Variants in EFCAB5 observed in about 807,000 individuals in gnomAD.
EFCAB5 encodes the protein EF-hand calcium-binding domain-containing protein 5.
Under a neutral mutation model 167.9 loss-of-function variants are expected in EFCAB5, and 131 were observed. The observed-to-expected ratio is 0.78, with a 90% CI of 0.68 to 0.90. The LOEUF is 0.90. Among genes scored for constraint, EFCAB5 ranks in the 40% least tolerant of loss-of-function variants. The pLI is 0.00. For missense variants in EFCAB5, 1,663 were observed against 1,745.2 expected (o/e 0.95, Z 0.84); for synonymous variants, 574 against 602.8 (o/e 0.95, Z 0.70).
At chr17:29,930,023 G>A (rs1405781382) in intron 1 of EFCAB5, 3 of 1,585,352 alleles carry the variant, frequency 1.9e-6, no homozygotes, top group East Asian at 2.3e-5. Context: ...GGGTTGTTCC[G>A]GGCAGGGCAT....
intron 7 of EFCAB5, among the ~76,000 whole-genome samples, chr17:30,000,706 T>A (rs2068643347): frequency 6.6e-6 from 1 of 152,228 alleles, no homozygotes; most frequent in Non-Finnish European, 1.5e-5. Flanking sequence ...AAGCTCTGTA[T>A]GAGGGATTTC....
chr17:30,029,929 G>A (rs1442915606), intron 7 of EFCAB5, among the ~76,000 whole-genome samples: 1 of 152,086 alleles, frequency 6.6e-6, no homozygotes, highest in South Asian at 2.1e-4. Context: ...AGTCAGAAAG[G>A]AAAATCCCAG....
At chr17:30,073,818 C>G in intron 14 of EFCAB5, 2 of 459,158 alleles carry the variant, frequency 4.4e-6, no homozygotes, top group Non-Finnish European at 8.2e-6. Context: ...CCCAGCTACT[C>G]AAGAGGCAGA....
intron 3 of EFCAB5, among the ~76,000 whole-genome samples, chr17:29,964,885 T>C (rs1002090317): frequency 1.3e-5 from 2 of 151,880 alleles, no homozygotes; most frequent in Admixed American, 6.6e-5. Flanking sequence ...TTAAGGTGTA[T>C]AGGTTACTTA....
At chr17:30,069,703 G>T (rs4465650) in intron 14 of EFCAB5, 1 of 1,184,028 alleles carries the variant, frequency 8.4e-7, no homozygotes. Context: ...TCATGTACCC[G>T]CCGTAGTCTC....
At position 30,036,200 on chromosome 17, in the gene EFCAB5, AATAT is replaced by A. The variant is rs1265429827; in HGVS notation, c.1200+1820_1200+1823del. 2.1e-5 allele frequency among the ~76,000 whole-genome samples: 3 copies of A among 142,248 alleles called. No individual in the cohort carries two copies. In the East Asian group the frequency reaches 5.9e-4, roughly 28 times the overall value. The allele number at this position is 142,248 out of a possible 152,430, so 93.3% of individuals were successfully genotyped here. On this transcript the variant is annotated intron_variant, in intron 8 of 22. Coordinates refer to ENST00000394835, the MANE Select transcript of EFCAB5 (RefSeq NM_198529.4). ...ATATGTATGTATAAATATATCTTAT[AATAT>A]ATATGTATATTATATATGCATATAT...
At position 30,002,549 on chromosome 17, in the gene EFCAB5, A is replaced by G. The variant is rs575522289; in HGVS notation, c.1044+2573A>G. Among the ~76,000 whole-genome samples the G allele has an allele frequency of 1.2e-4, 18 of 152,332 alleles. No individual in the cohort carries two copies. The East Asian group carries it at 2.7e-3, about 23-fold the overall frequency. On this transcript the variant is annotated intron_variant, in intron 7 of 22. Transcript: ENST00000394835. ...TCATTGTCTGAAATATTTCCCATAC[A>G]TCCATCACATCAGGCACTGTTACAC...
At chr17:29,992,138 C>G (rs2068434359) in intron 4 of EFCAB5, among the ~76,000 whole-genome samples, 1 of 152,054 alleles carries the variant, frequency 6.6e-6, no homozygotes, top group South Asian at 2.1e-4. Flanking sequence ...TCTCCATTTC[C>G]CCCATTCCCA....
intron 6 of EFCAB5, among the ~76,000 whole-genome samples, chr17:29,997,973 A>T (rs1229918533): frequency 6.6e-6 from 1 of 151,902 alleles, no homozygotes; most frequent in Non-Finnish European, 1.5e-5. Flanking sequence ...CATAGGAACT[A>T]GAGTTTGGGT....
rs941552544 is a variant in EFCAB5 at position 30,053,464 on chromosome 17, A to G, written c.1510A>G (p.Asn504Asp). 1 of 1,613,994 alleles carries G rather than the reference A, an allele frequency of 6.2e-7. No individual in the cohort carries two copies. The highest frequency in any genetic ancestry group is 1.3e-5 in the African/African-American group (1 of 75,046). The stretch of plus-strand genomic sequence containing the variant: ...ACAGAGAACATCAACACCATCACCA[A>G]ACCCGCCAGAACAGCAGAGAGGAGT... Reference protein sequence around the residue: ...NEQRTSTPSPNPPEQQRGVTA... With the variant: ...NEQRTSTPSPDPPEQQRGVTA... The change falls in exon 10 of 23, where the codon AAC becomes GAC. Residue 504 changes from asparagine (N) to aspartate (D), a missense_variant. By Grantham distance (23) the Asn-to-Asp change is conservative. Coordinates refer to ENST00000394835, the MANE Select transcript of EFCAB5 (RefSeq NM_198529.4).
chr17:30,105,549 T>G (rs985667455), intron 22 of EFCAB5, among the ~76,000 whole-genome samples: 7 of 152,058 alleles, frequency 4.6e-5, no homozygotes, highest in African/African-American at 1.7e-4. Flanking sequence ...TTATAACAAA[T>G]GCACCTTCAA....
chr17:30,047,094 A>G (rs7219456), intron 8 of EFCAB5, among the ~76,000 whole-genome samples: 77,995 of 151,962 alleles, frequency 0.51, 20,410 homozygotes, highest in African/African-American at 0.57. Context: ...ACTTAGCAGT[A>G]ACATTTTTGA....
chr17:30,051,207 C>A lies in EFCAB5; in HGVS notation c.1290C>A (p.Asn430Lys), dbSNP rs748749727. ...AAATGCTTAGGAGTTTACTTCGAAA[C>A]CCACGACAATGTAAGTGCCGCTCAG... ...SSQMLRSLLR[N>K]PRQWPFIEFE... is the part of the protein sequence containing the mutation. Residue 430 changes from asparagine (N) to lysine (K), a missense_variant, in exon 9 of 23, where the codon AAC (asparagine) becomes AAA (lysine). Physicochemically the swap from Asn to Lys is moderately conservative, Grantham distance 94. Coordinates refer to ENST00000394835, the MANE Select transcript of EFCAB5 (RefSeq NM_198529.4). 7.4e-6 allele frequency: 12 copies of A among 1,613,940 alleles called. No individual in the cohort carries two copies. The South Asian group carries it at 1.3e-4, about 18-fold the overall frequency.
intron 8 of EFCAB5, among the ~76,000 whole-genome samples, chr17:30,046,869 C>T (rs1193372286): frequency 1.3e-5 from 2 of 152,166 alleles, no homozygotes; most frequent in African/African-American, 2.4e-5. Context: ...AAATTGGAGT[C>T]TGATCTTGGT....
chr17:30,082,431 C>T (rs1292907787), intron 17 of EFCAB5, among the ~76,000 whole-genome samples: 2 of 123,490 alleles, frequency 1.6e-5, no homozygotes, highest in Non-Finnish European at 3.2e-5. Context: ...TGCTCTGTTG[C>T]CCAGATTGGA....
At chr17:30,079,193 G>A (rs1298361095) in intron 15 of EFCAB5, among the ~76,000 whole-genome samples, 4 of 152,134 alleles carry the variant, frequency 2.6e-5, no homozygotes, top group Admixed American at 6.5e-5. Context: ...CTGAATGGCC[G>A]AATTTTCCAG....
intron 14 of EFCAB5, among the ~76,000 whole-genome samples, chr17:30,066,039 A>G (rs2070560478): frequency 6.6e-6 from 1 of 152,240 alleles, no homozygotes; most frequent in Admixed American, 6.5e-5. Context: ...CATGGGACAG[A>G]TCATTTAGAC....
At chr17:30,055,602 G>A (rs533755542) in intron 10 of EFCAB5, among the ~76,000 whole-genome samples, 1 of 152,280 alleles carries the variant, frequency 6.6e-6, no homozygotes, top group Non-Finnish European at 1.5e-5. Context: ...AGGTTAAAAA[G>A]GGGGCTATTG....
At chr17:30,105,311 A>AC (rs1193632954) in intron 22 of EFCAB5, among the ~76,000 whole-genome samples, 1 of 149,886 alleles carries the variant, frequency 6.7e-6, no homozygotes, top group African/African-American at 2.5e-5. Context: ...ACATGATGAA[A>AC]CCCCGTCTCT....
Sources: gnomAD v4.1 joint callset for allele counts (sites outside exome capture counted in the v4.1 genomes callset) on GRCh38, gnomAD v4.1.1 for gene constraint, MANE v1.5 for transcripts, NCBI Gene and HGNC (gene_info 2026-07-23, HGNC 2026-07-21) for gene names.